STK3: variants seen among roughly 807,000 people sequenced by gnomAD.
STK3 encodes serine/threonine-protein kinase 3.
A neutral mutation model predicts 58.0 loss-of-function variants in STK3; 41 were observed. That is an observed-to-expected ratio of 0.71 (90% CI 0.55 to 0.92). The LOEUF is 0.92. Among genes scored for constraint, STK3 ranks in the 40% least tolerant of loss-of-function variants. The pLI is 0.00. For missense variants in STK3, 479 were observed against 602.7 expected, an observed-to-expected ratio of 0.79 and a Z score of 2.15; for synonymous variants, 170 against 191.0, an observed-to-expected ratio of 0.89 and a Z score of 0.91.
intron 3 of STK3, chr8:98,429,189 C>T (rs767304507): frequency 6.2e-7 from 1 of 1,613,982 alleles, no homozygotes; most frequent in Non-Finnish European, 8.5e-7. Flanking sequence ...CGTGGTGGTC[C>T]TGCCCATCAC....
chr8:98,514,853 T>C (rs1166675322), intron 10 of STK3, among the ~76,000 whole-genome samples: 3 of 152,160 alleles, frequency 2.0e-5, no homozygotes, highest in Non-Finnish European at 4.4e-5. Context: ...GAAAACTCTA[T>C]ACATCCATAA....
chr8:98,512,936 T>G (rs1824631453), intron 10 of STK3, among the ~76,000 whole-genome samples: 1 of 152,138 alleles, frequency 6.6e-6, no homozygotes, highest in African/African-American at 2.4e-5. Context: ...GCAATTTGCT[T>G]AAGTTGGCAG....
intron 8 of STK3, among the ~76,000 whole-genome samples, chr8:98,568,303 T>C (rs1189319465): frequency 3.9e-5 from 6 of 152,080 alleles, no homozygotes; most frequent in East Asian, 1.9e-4. Context: ...AGGAATTGAA[T>C]AGATAACAGT....
chr8:98,902,274 T>A (rs1175435907), intron 1 of STK3, among the ~76,000 whole-genome samples: 2 of 152,200 alleles, frequency 1.3e-5, no homozygotes, highest in Admixed American at 1.3e-4. Context: ...TCTAAATTTT[T>A]ATCTCCAGCT....
intron 10 of STK3, among the ~76,000 whole-genome samples, chr8:98,514,117 C>T (rs1824738608): frequency 6.6e-6 from 1 of 152,092 alleles, no homozygotes; most frequent in Non-Finnish European, 1.5e-5. Flanking sequence ...CCTCCTTCCC[C>T]TCTCTCTCCA....
At chr8:98,660,591 T>C (rs1376904743) in intron 6 of STK3, among the ~76,000 whole-genome samples, 3 of 152,076 alleles carry the variant, frequency 2.0e-5, no homozygotes, top group African/African-American at 4.8e-5. Flanking sequence ...ATGAATGTGA[T>C]ATAGCAGCTC....
At chr8:98,617,952 A>G (rs1817907096) in intron 6 of STK3, among the ~76,000 whole-genome samples, 1 of 152,184 alleles carries the variant, frequency 6.6e-6, no homozygotes, top group Non-Finnish European at 1.5e-5. Context: ...AATCCTCCCT[A>G]ACTCATTTTA....
chr8:98,693,890 CT>C (rs896862658), intron 6 of STK3, among the ~76,000 whole-genome samples: 26 of 152,022 alleles, frequency 1.7e-4, no homozygotes, highest in African/African-American at 5.6e-4. Flanking sequence ...ATGCTTTTCT[CT>C]TTTTTGGTGT....
chr8:98,627,994 T>C (rs1230404169), intron 6 of STK3, among the ~76,000 whole-genome samples: 5 of 152,234 alleles, frequency 3.3e-5, no homozygotes, highest in Non-Finnish European at 7.3e-5. Flanking sequence ...TTTGTGGTTG[T>C]TAAAATTCAG....
At chr8:98,830,677 A>G (rs1835493339), upstream of STK3, among the ~76,000 whole-genome samples, 1 of 152,174 alleles carries the variant, frequency 6.6e-6, no homozygotes, top group South Asian at 2.1e-4. Flanking sequence ...TAACTGTGAA[A>G]GTAAGGTAAT....
intron 3 of STK3, among the ~76,000 whole-genome samples, chr8:98,875,004 A>G (rs1402817920): frequency 6.6e-6 from 1 of 152,186 alleles, no homozygotes; most frequent in East Asian, 1.9e-4. Context: ...ATTTTGAAAC[A>G]ATACATGACA....
intron 6 of STK3, among the ~76,000 whole-genome samples, chr8:98,609,830 G>A (rs1817053335): frequency 1.3e-5 from 2 of 151,796 alleles, no homozygotes; most frequent in South Asian, 2.1e-4. Flanking sequence ...CGTGGTGGCG[G>A]GCACCTGTAG....
intron 6 of STK3, among the ~76,000 whole-genome samples, chr8:98,629,350 T>C (rs185838869): frequency 1.2e-4 from 18 of 152,120 alleles, no homozygotes; most frequent in African/African-American, 4.3e-4. Flanking sequence ...AAACCTTTTT[T>C]AAACCCACAA....
chr8:98,650,649 T>C (rs1820816995), intron 6 of STK3, among the ~76,000 whole-genome samples: 1 of 152,212 alleles, frequency 6.6e-6, no homozygotes, highest in Non-Finnish European at 1.5e-5. Context: ...TACTGTGCTT[T>C]TCCGACGGGC....
At chr8:98,395,714 T>G (rs1817891628) in intron 3 of STK3, among the ~76,000 whole-genome samples, 1 of 152,226 alleles carries the variant, frequency 6.6e-6, no homozygotes, top group Non-Finnish European at 1.5e-5. Context: ...TGCAAACATA[T>G]TGGGGATTTT....
At chr8:98,825,940 G>C (rs549533348), upstream of STK3, among the ~76,000 whole-genome samples, 6 of 147,704 alleles carry the variant, frequency 4.1e-5, no homozygotes, top group East Asian at 6.0e-4. Context: ...CACCGCGGCG[G>C]GGGGCGGAGC....
intron 4 of STK3, chr8:98,722,638 T>G (rs1827515173): frequency 6.5e-6 from 1 of 153,510 alleles, no homozygotes; most frequent in African/African-American, 2.4e-5. Context: ...TTTAACAAAT[T>G]TCATTCACAT....
intron 1 of STK3, among the ~76,000 whole-genome samples, chr8:98,934,957 T>TAAAATAAAATAAAATAAA (rs1474317559): frequency 2.0e-5 from 3 of 152,024 alleles, no homozygotes; most frequent in Non-Finnish European, 4.4e-5. Flanking sequence ...TAACATGACA[T>TAAAATAAAATAAAATAAA]ATATAAAGAG....
At chr8:98,772,902 T>C (rs1831412701) in intron 2 of STK3, among the ~76,000 whole-genome samples, 1 of 152,168 alleles carries the variant, frequency 6.6e-6, no homozygotes, top group South Asian at 2.1e-4. Flanking sequence ...TTTTTCTTTA[T>C]AAATTACCCA....
Sources: allele counts gnomAD v4.1 joint callset (sites outside exome capture counted in the v4.1 genomes callset), GRCh38; gene constraint gnomAD v4.1.1; transcripts MANE v1.5; gene names NCBI Gene and HGNC (gene_info 2026-07-23, HGNC 2026-07-21).